The following LRP1B variants were observed in gnomAD, a reference collection of about 807,000 sequenced individuals.
The protein encoded by LRP1B is low-density lipoprotein receptor-related protein 1B.
LRP1B carries 217 observed loss-of-function variants against 556.6 expected under a neutral mutation model. The observed-to-expected ratio is 0.39, with a 90% CI of 0.35 to 0.44. The LOEUF (loss-of-function observed/expected upper bound fraction) is 0.44. Among genes scored for constraint, LRP1B ranks in the 20% least tolerant of loss-of-function variants. LRP1B has a pLI of 1.00. For synonymous variants in LRP1B, 2,047 were observed against 1,865.8 expected (o/e 1.10, Z -2.50); for missense variants, 5,053 against 5,620.8 (o/e 0.90, Z 3.23).
chr2:141,977,803 G>A (rs532581995), intron 1 of LRP1B, among the ~76,000 whole-genome samples: 385 of 152,144 alleles, frequency 2.5e-3, no homozygotes, highest in South Asian at 6.2e-3. Context: ...AGTGTGAAGT[G>A]AAAAATAGTC....
intron 31 of LRP1B, among the ~76,000 whole-genome samples, chr2:140,836,938 T>G (rs888326907): frequency 6.6e-6 from 1 of 152,154 alleles, no homozygotes; most frequent in Admixed American, 6.5e-5. Context: ...CAGAGTTAAA[T>G]CCCCACATTT....
chr2:141,937,659 C>A (rs1276593187), intron 1 of LRP1B, among the ~76,000 whole-genome samples: 3 of 150,068 alleles, frequency 2.0e-5, no homozygotes, highest in African/African-American at 7.4e-5. Context: ...CCATGGTGCA[C>A]CTAAATTAAA....
chr2:141,078,677 C>T (rs1525585), intron 7 of LRP1B, among the ~76,000 whole-genome samples: 128,723 of 152,100 alleles, frequency 0.85, 54,846 homozygotes, highest in Non-Finnish European at 0.89. Context: ...TCTCCTTCTC[C>T]TTGCTCATAT....
At chr2:141,576,148 C>A (rs993327768) in intron 2 of LRP1B, among the ~76,000 whole-genome samples, 79 of 150,568 alleles carry the variant, frequency 5.2e-4, no homozygotes, top group African/African-American at 1.9e-3. Context: ...GCACACATAC[C>A]TTTATCACAG....
intron 15 of LRP1B, among the ~76,000 whole-genome samples, chr2:141,001,420 G>A (rs1338538821): frequency 2.0e-5 from 3 of 151,914 alleles, no homozygotes; most frequent in Non-Finnish European, 4.4e-5. Context: ...TGCTGCACCC[G>A]TTAACTTGTT....
chr2:141,595,871 G>A (rs912564388), intron 2 of LRP1B, among the ~76,000 whole-genome samples: 8 of 151,900 alleles, frequency 5.3e-5, no homozygotes, highest in East Asian at 1.9e-4. Context: ...TTAACTAGTC[G>A]CTGAAAGTTA....
chr2:140,645,515 T>G (rs1041771257), intron 41 of LRP1B, among the ~76,000 whole-genome samples: 2 of 149,210 alleles, frequency 1.3e-5, no homozygotes, highest in African/African-American at 2.5e-5. Context: ...ATCTCTATAC[T>G]AACCCTTTGC....
chr2:141,832,825 C>T (rs1041334358), intron 1 of LRP1B, among the ~76,000 whole-genome samples: 1 of 151,788 alleles, frequency 6.6e-6, no homozygotes, highest in Non-Finnish European at 1.5e-5. Flanking sequence ...ATTATTTGTT[C>T]AAACTAAAAC....
chr2:140,817,774 G>A (rs962618400), intron 31 of LRP1B, among the ~76,000 whole-genome samples: 1 of 151,428 alleles, frequency 6.6e-6, no homozygotes, highest in Non-Finnish European at 1.5e-5. Flanking sequence ...GCAGTATGGA[G>A]TTAAAAAATT....
rs59661474 is a variant in LRP1B at position 141,053,828 on chromosome 2, A to ATGTGTGTGTGTG, written c.1552+1276_1552+1287dup. ...TATGCACATATGCATGTGTGTATAT[A>ATGTGTGTGTGTG]TGTGTGTGTGTGTGTGTGTGATTAT... On this transcript the variant is annotated intron_variant, in intron 10 of 90. Coordinates refer to ENST00000389484, the MANE Select transcript of LRP1B (RefSeq NM_018557.3). Among the ~76,000 whole-genome samples the ATGTGTGTGTGTG allele has an allele frequency of 2.5e-3, 372 of 150,240 alleles. 1 individual carries two copies. The highest frequency in any genetic ancestry group is 3.0e-3 in the Non-Finnish European group (204 of 67,466).
intron 35 of LRP1B, among the ~76,000 whole-genome samples, chr2:140,741,191 A>G (rs1438594663): frequency 6.6e-6 from 1 of 152,228 alleles, no homozygotes; most frequent in South Asian, 2.1e-4. Flanking sequence ...TAGAAATTGT[A>G]TTACATCAGC....
intron 3 of LRP1B, among the ~76,000 whole-genome samples, chr2:141,438,123 C>G (rs1024469654): frequency 6.6e-6 from 1 of 152,074 alleles, no homozygotes; most frequent in Admixed American, 6.6e-5. Flanking sequence ...TAATAATGAG[C>G]TAGGCATCTT....
At chr2:141,719,982 T>A (rs541088309) in intron 2 of LRP1B, among the ~76,000 whole-genome samples, 29 of 152,166 alleles carry the variant, frequency 1.9e-4, no homozygotes, top group African/African-American at 7.0e-4. Flanking sequence ...TGGACATGTA[T>A]CCTTGCATCT....
At chr2:141,498,349 T>TA (rs1219091749) in intron 2 of LRP1B, among the ~76,000 whole-genome samples, 13 of 121,864 alleles carry the variant, frequency 1.1e-4, no homozygotes, top group African/African-American at 3.7e-4. Flanking sequence ...ACAACATCTT[T>TA]AAAATCCTTT....
At chr2:141,252,773 C>A (rs546263189) in intron 4 of LRP1B, among the ~76,000 whole-genome samples, 1 of 152,208 alleles carries the variant, frequency 6.6e-6, no homozygotes, top group East Asian at 1.9e-4. Context: ...GCAATGCTGC[C>A]TTCTTTTCTC....
At chr2:140,410,440 T>G (rs934031520) in intron 66 of LRP1B, among the ~76,000 whole-genome samples, 1 of 152,108 alleles carries the variant, frequency 6.6e-6, no homozygotes, top group Non-Finnish European at 1.5e-5. Context: ...TGCACTTCTC[T>G]GTTAGATGTC....
At chr2:142,130,162 G>C (rs988485917) in intron 1 of LRP1B, among the ~76,000 whole-genome samples, 1 of 152,160 alleles carries the variant, frequency 6.6e-6, no homozygotes, top group Non-Finnish European at 1.5e-5. Flanking sequence ...GAAACGAAAG[G>C]GGCCTGAATC....
At chr2:141,811,019 A>G (rs185272937) in intron 1 of LRP1B, among the ~76,000 whole-genome samples, 209 of 151,756 alleles carry the variant, frequency 1.4e-3, no homozygotes, top group Non-Finnish European at 2.1e-3. Flanking sequence ...TTTCTAACTC[A>G]AATTTTCTAC....
chr2:141,513,259 AC>A (rs1264386697), intron 2 of LRP1B, among the ~76,000 whole-genome samples: 2 of 152,062 alleles, frequency 1.3e-5, no homozygotes, highest in African/African-American at 2.4e-5. Flanking sequence ...TAATTATCTA[AC>A]TTTTTTCCAG....
Sources: allele counts gnomAD v4.1 joint callset (sites outside exome capture counted in the v4.1 genomes callset), GRCh38; gene constraint gnomAD v4.1.1; transcripts MANE v1.5; gene names NCBI Gene and HGNC (gene_info 2026-07-23, HGNC 2026-07-21).